ADCY5: variants seen among roughly 807,000 people sequenced by gnomAD.
ADCY5 encodes adenylate cyclase type 5.
ADCY5 carries 30 observed loss-of-function variants against 119.7 expected under a neutral mutation model. The observed-to-expected ratio is 0.25, with a 90% CI of 0.19 to 0.34. The LOEUF (loss-of-function observed/expected upper bound fraction) is 0.34, where lower values mean the gene tolerates loss of function less well. ADCY5 is among the 10% of genes least tolerant of loss of function. ADCY5 has a pLI of 1.00. For synonymous variants in ADCY5, 753 were observed against 762.2 expected, an observed-to-expected ratio of 0.99 and a Z score of 0.20; for missense variants, 1,324 against 1,775.2, an observed-to-expected ratio of 0.75 and a Z score of 4.57.
intron 8 of ADCY5, 48 bp downstream of exon 8, chr3:123,325,274 C>T (rs1941424006): frequency 6.2e-7 from 1 of 1,607,378 alleles, no homozygotes; most frequent in Admixed American, 1.7e-5. Flanking sequence ...CACAGAAGGC[C>T]CTAGCCTTGG....
chr3:123,446,857 T>C (rs1322442824), intron 1 of ADCY5, among the ~76,000 whole-genome samples: 1 of 152,044 alleles, frequency 6.6e-6, no homozygotes, highest in East Asian at 1.9e-4. Flanking sequence ...TGAAACAAAC[T>C]TGTCAGTCCT....
chr3:123,303,267 A>T (rs971255850), intron 13 of ADCY5, 48 bp from the exon 14 acceptor site: 10 of 1,582,708 alleles, frequency 6.3e-6, no homozygotes, highest in Non-Finnish European at 8.6e-6. Context: ...CTGCTGGGGG[A>T]CAGGTAGAGC....
At chr3:123,302,008 T>C (rs1184086793) in intron 14 of ADCY5, among the ~76,000 whole-genome samples, 1 of 152,188 alleles carries the variant, frequency 6.6e-6, no homozygotes. Context: ...TGTCTGTACA[T>C]CTGAGAGCCA....
At chr3:123,409,405 A>G (rs1478638650) in intron 1 of ADCY5, among the ~76,000 whole-genome samples, 1 of 152,202 alleles carries the variant, frequency 6.6e-6, no homozygotes, top group Non-Finnish European at 1.5e-5. Flanking sequence ...GGCCCAGCAC[A>G]TGCTAGTTCT....
intron 6 of ADCY5, among the ~76,000 whole-genome samples, chr3:123,328,215 A>G (rs1015161004): frequency 5.9e-5 from 9 of 152,028 alleles, no homozygotes; most frequent in African/African-American, 2.2e-4. Context: ...TGTCCCCCAC[A>G]CCTGTGCCTT....
chr3:123,365,548 T>C (rs1388859578), intron 1 of ADCY5, among the ~76,000 whole-genome samples: 1 of 152,116 alleles, frequency 6.6e-6, no homozygotes, highest in Non-Finnish European at 1.5e-5. Flanking sequence ...GGGTGATGTA[T>C]CTATGGGAAG....
chr3:123,366,707 C>G (rs988286358), intron 1 of ADCY5, among the ~76,000 whole-genome samples: 3 of 152,290 alleles, frequency 2.0e-5, no homozygotes, highest in Non-Finnish European at 4.4e-5. Flanking sequence ...AATGAATGAA[C>G]ATCTAGAGGC....
intron 1 of ADCY5, among the ~76,000 whole-genome samples, chr3:123,397,891 G>T (rs1944647465): frequency 6.6e-6 from 1 of 152,186 alleles, no homozygotes; most frequent in Non-Finnish European, 1.5e-5. Flanking sequence ...GACAGTGAAG[G>T]GGACTGTGTG....
chr3:123,299,551 G>A (rs1341380873), intron 15 of ADCY5, among the ~76,000 whole-genome samples: 1 of 152,158 alleles, frequency 6.6e-6, no homozygotes, highest in Non-Finnish European at 1.5e-5. Flanking sequence ...GCTGACTGTG[G>A]GACCAGACAG....
At chr3:123,285,287 G>T (rs1938663633) in intron 20 of ADCY5, among the ~76,000 whole-genome samples, 1 of 152,222 alleles carries the variant, frequency 6.6e-6, no homozygotes, top group Admixed American at 6.5e-5. Context: ...TAAGTCACGA[G>T]CCTGAGGTTA....
intron 1 of ADCY5, among the ~76,000 whole-genome samples, chr3:123,433,832 T>A (rs900925881): frequency 6.6e-6 from 1 of 152,098 alleles, no homozygotes; most frequent in East Asian, 1.9e-4. Context: ...GCTGAGCAGT[T>A]GTAACATCAC....
intron 1 of ADCY5, among the ~76,000 whole-genome samples, chr3:123,432,001 A>G (rs1334976195): frequency 1.3e-5 from 2 of 152,170 alleles, no homozygotes; most frequent in Non-Finnish European, 2.9e-5. Flanking sequence ...GTACCTGGGC[A>G]CCGGGATTAG....
chr3:123,290,690 G>T (rs1387785975), intron 18 of ADCY5, among the ~76,000 whole-genome samples: 1 of 152,088 alleles, frequency 6.6e-6, no homozygotes. Context: ...CCTTCCTTTG[G>T]TTCTCTCAAA....
Position 123,448,447 on chromosome 3 carries a change from G to A in ADCY5, c.99C>T (p.Gly33=). The A allele has an allele frequency of 1.5e-6, 2 of 1,316,440 alleles. No homozygotes were observed. The highest frequency in any genetic ancestry group is 1.9e-6 in the Non-Finnish European group (2 of 1,034,840). The allele number at this position is 1,316,440 out of a possible 1,614,324, so 81.5% of individuals were successfully genotyped here. The change falls in exon 1 of 21, where the codon GGC becomes GGT. Residue 33 remains glycine (G), a synonymous_variant. Transcript: ENST00000462833. ...AGCCATTCGCGCGGGAATCGGCCTC[G>A]CCCCACGCAGAGCGGTGTTCGGGGC... ...RGGPEHRSAW[G]EADSRANGYP...
chr3:123,396,585 A>G (rs1448973743), intron 1 of ADCY5, among the ~76,000 whole-genome samples: 10 of 147,312 alleles, frequency 6.8e-5, no homozygotes, highest in Non-Finnish European at 1.5e-4. Context: ...AAAGAAAAGA[A>G]AAGAGAAGAA....
chr3:123,341,484 G>A (rs193196577), intron 3 of ADCY5, among the ~76,000 whole-genome samples: 1 of 152,038 alleles, frequency 6.6e-6, no homozygotes, highest in Non-Finnish European at 1.5e-5. Context: ...GGGGAGGGAG[G>A]ATGGGGAGTT....
intron 1 of ADCY5, among the ~76,000 whole-genome samples, chr3:123,362,212 T>C (rs1004969184): frequency 1.3e-5 from 2 of 152,206 alleles, no homozygotes; most frequent in Non-Finnish European, 1.5e-5. Flanking sequence ...ACACGGCAAC[T>C]CTATGTTATT....
intron 1 of ADCY5, among the ~76,000 whole-genome samples, chr3:123,364,569 G>C (rs905734138): frequency 6.6e-6 from 1 of 152,132 alleles, no homozygotes; most frequent in Non-Finnish European, 1.5e-5. Flanking sequence ...CTGACCAGAA[G>C]CAAGGAGAGG....
chr3:123,290,038 T>G, intron 18 of ADCY5, 84 bp from the exon 19 acceptor site: 1 of 1,358,490 alleles, frequency 7.4e-7, no homozygotes, highest in Non-Finnish European at 1.0e-6. Flanking sequence ...TCCAGGGAAG[T>G]GCAGCAGCAT....
Sources: allele counts gnomAD v4.1 joint callset (sites outside exome capture counted in the v4.1 genomes callset), GRCh38; gene constraint gnomAD v4.1.1; transcripts MANE v1.5; gene names NCBI Gene and HGNC (gene_info 2026-07-23, HGNC 2026-07-21).